G2E3: variants seen among roughly 807,000 people sequenced by gnomAD.
G2E3 encodes G2/M phase-specific E3 ubiquitin-protein ligase.
In G2E3, 35 loss-of-function variants were observed where a neutral mutation model predicts 92.8. The observed-to-expected ratio is 0.38, with a 90% CI of 0.29 to 0.50. G2E3 has a LOEUF of 0.50. Among genes scored for constraint, G2E3 ranks in the 20% least tolerant of loss-of-function variants. The pLI is 0.94. For missense variants in G2E3, 554 were observed against 823.8 expected, an observed-to-expected ratio of 0.67 and a Z score of 4.01; for synonymous variants, 242 against 272.4, an observed-to-expected ratio of 0.89 and a Z score of 1.10.
intron 1 of G2E3, among the ~76,000 whole-genome samples, chr14:30,578,269 T>C (rs1880228466): frequency 6.6e-6 from 1 of 152,194 alleles, no homozygotes; most frequent in South Asian, 2.1e-4. Flanking sequence ...TTTTAGGTAA[T>C]TTGATACTGC....
chr14:30,583,437 A>G (rs1263198251), intron 2 of G2E3, among the ~76,000 whole-genome samples: 6 of 152,314 alleles, frequency 3.9e-5, no homozygotes, highest in Admixed American at 2.0e-4. Context: ...TGGAAAGACA[A>G]TACTGCATAA....
chr14:30,585,964 C>T (rs1007013887), intron 2 of G2E3, among the ~76,000 whole-genome samples: 5 of 152,164 alleles, frequency 3.3e-5, no homozygotes, highest in African/African-American at 1.2e-4. Flanking sequence ...TTTTTATTCC[C>T]TCATGTACCC....
intron 2 of G2E3, among the ~76,000 whole-genome samples, chr14:30,582,863 C>T (rs1880509973): frequency 1.3e-5 from 2 of 152,136 alleles, no homozygotes; most frequent in Admixed American, 6.5e-5. Context: ...ATATTAAATA[C>T]GAGCTCATCT....
intron 2 of G2E3, among the ~76,000 whole-genome samples, chr14:30,581,702 A>T (rs1880446505): frequency 6.8e-6 from 1 of 148,138 alleles, no homozygotes; most frequent in African/African-American, 2.6e-5. Context: ...ACCCTGTATC[A>T]AAAAAAAGAA....
rs1882353457 is a variant in G2E3 at position 30,617,217 on chromosome 14, TACTC to T, written c.*685_*688del. On this transcript the variant is annotated 3_prime_UTR_variant, in exon 15 of 15. Transcript: ENST00000206595. ...GGAGGCTGAGGTGGGAGAATCGAGATACTCAGCCAGCCTGGCAATGTAGCAAAGA... is the reference window on the plus strand; with the variant it reads ...GGAGGCTGAGGTGGGAGAATCGAGATAGCCAGCCTGGCAATGTAGCAAAGA... 6.6e-6 allele frequency: 1 copy of T among 151,826 alleles called. No homozygotes were observed. Among genetic ancestry groups the T allele is most frequent in the South Asian group, 2.1e-4 (1 of 4,826 alleles). 9.4% of individuals were successfully genotyped at this position (151,826 alleles called of 1,614,324 possible). A position where few individuals can be genotyped will look rare whatever the true frequency, so the allele number is the denominator to read the frequency against.
At chr14:30,582,536 A>C (rs968944302) in intron 2 of G2E3, among the ~76,000 whole-genome samples, 1 of 152,186 alleles carries the variant, frequency 6.6e-6, no homozygotes, top group Admixed American at 6.5e-5. Flanking sequence ...CCCCTCTTCT[A>C]TAGTTTCAGC....
chr14:30,588,714 G>T (rs1880850462), intron 3 of G2E3, among the ~76,000 whole-genome samples: 1 of 152,068 alleles, frequency 6.6e-6, no homozygotes. Context: ...TACTTGCCTA[G>T]GGTTCCAGAA....
At chr14:30,591,133 C>G (rs945468747) in intron 4 of G2E3, among the ~76,000 whole-genome samples, 11 of 152,004 alleles carry the variant, frequency 7.2e-5, no homozygotes, top group African/African-American at 2.4e-4. Context: ...TATTGTGAAC[C>G]CTTGAAAAGA....
intron 8 of G2E3, among the ~76,000 whole-genome samples, chr14:30,600,694 G>A (rs868622287): frequency 8.1e-4 from 123 of 152,130 alleles, no homozygotes; most frequent in African/African-American, 2.6e-3. Flanking sequence ...GTAATCTCAC[G>A]CCCTCTCATC....
In G2E3 at chr14:30,618,109, CAT is replaced by C; in HGVS notation, c.*1577_*1578del. The C allele has an allele frequency of 6.6e-6, 1 of 152,064 alleles. No homozygotes were observed. The highest frequency in any genetic ancestry group is 1.9e-4 in the East Asian group (1 of 5,178). The allele number at this position is 152,064 out of a possible 1,614,324, so 9.4% of individuals were successfully genotyped here. The stretch of plus-strand genomic sequence containing the variant: ...TCTTAATACCAAAGGAAAACTAAAA[CAT>C]AATTCTAGTGTACTTTTCTTTGTTC... On this transcript the variant is annotated 3_prime_UTR_variant, in exon 15 of 15. Transcript: ENST00000206595.
intron 1 of G2E3, among the ~76,000 whole-genome samples, chr14:30,578,979 C>T (rs1362571365): frequency 6.6e-6 from 1 of 152,070 alleles, no homozygotes; most frequent in African/African-American, 2.4e-5. Context: ...GGATCTGTTT[C>T]TGAGTTTTAT....
intron 4 of G2E3, 89 bp downstream of exon 4, chr14:30,589,573 A>G (rs1566538425): frequency 1.4e-6 from 1 of 694,218 alleles, no homozygotes; most frequent in Non-Finnish European, 2.5e-6. Context: ...CTAGAAATTT[A>G]TGACTTTGAT....
At chr14:30,569,321 G>T (rs955889977) in intron 1 of G2E3, among the ~76,000 whole-genome samples, 3 of 152,018 alleles carry the variant, frequency 2.0e-5, no homozygotes, top group Non-Finnish European at 4.4e-5. Flanking sequence ...TACTTCTCCT[G>T]CTTTGCATAT....
chr14:30,596,380 TTCATAC>T (rs1881292680), intron 6 of G2E3, among the ~76,000 whole-genome samples: 1 of 152,204 alleles, frequency 6.6e-6, no homozygotes, highest in Non-Finnish European at 1.5e-5. Context: ...CAATTTATTC[TTCATAC>T]TACTGTCTTT....
chr14:30,561,393 C>T (rs553758414), intron 1 of G2E3, among the ~76,000 whole-genome samples: 127 of 152,318 alleles, frequency 8.3e-4, no homozygotes, highest in African/African-American at 2.9e-3. Flanking sequence ...CCATAAGTAT[C>T]TCTGATGGCT....
rs1882129900 is a variant in G2E3 at position 30,612,299 on chromosome 14, G to A, written c.1593G>A (p.Thr531=). 1.9e-6 allele frequency: 3 copies of A among 1,602,036 alleles called. No homozygotes were observed. The highest frequency in any genetic ancestry group is 1.1e-5 in the South Asian group (1 of 90,474). ...TAATTGGATGTCTCAGACTTATAAC[G>A]ACATTAAGTGATAAATATATGTTAG... ...LELIGCLRLI[T]TLSDKYMLVK... is the part of the protein sequence containing the mutation. The change falls in exon 13 of 15, where the codon ACG becomes ACA. Residue 531 remains threonine (T), a synonymous_variant. Coordinates refer to ENST00000206595, the MANE Select transcript of G2E3 (RefSeq NM_017769.5).
intron 1 of G2E3, among the ~76,000 whole-genome samples, chr14:30,573,806 G>A (rs1879917981): frequency 6.6e-6 from 1 of 152,126 alleles, no homozygotes; most frequent in Non-Finnish European, 1.5e-5. Context: ...AGTAAACTGA[G>A]TAAAGTTTAC....
intron 1 of G2E3, among the ~76,000 whole-genome samples, chr14:30,570,251 T>C (rs2138781374): frequency 6.6e-6 from 1 of 152,310 alleles, no homozygotes; most frequent in Middle Eastern, 3.4e-3. Context: ...TCAAGATTCT[T>C]TGTCTTTGTT....
Position 30,592,462 on chromosome 14 carries a change from T to G in G2E3, c.362+15T>G, listed in dbSNP as rs368732441. ...GGCAATTTTGCGTGAGTTATTTAAC[T>G]GTTAAATATGAAAGTTCAGTGTTAA... On this transcript the variant is annotated intron_variant, in intron 5 of 14. Transcript: ENST00000206595. The G allele has an allele frequency of 5.2e-6, 8 of 1,540,736 alleles. No individual in the cohort carries two copies. The South Asian group carries it at 8.7e-5, about 17-fold the overall frequency.
Sources: allele counts gnomAD v4.1 joint callset (sites outside exome capture counted in the v4.1 genomes callset), GRCh38; gene constraint gnomAD v4.1.1; transcripts MANE v1.5; gene names NCBI Gene and HGNC (gene_info 2026-07-23, HGNC 2026-07-21).